PTPRR: variants seen among roughly 807,000 people sequenced by gnomAD.
PTPRR encodes protein tyrosine phosphatase receptor type R, also known as receptor-type tyrosine-protein phosphatase R.
PTPRR carries 38 observed loss-of-function variants against 77.2 expected under a neutral mutation model. The ratio of observed to expected loss-of-function variants is 0.49; its 90% CI spans 0.38 to 0.65. The LOEUF (loss-of-function observed/expected upper bound fraction) is 0.65, where lower values mean the gene tolerates loss of function less well. PTPRR is among the 30% of genes least tolerant of loss of function. The pLI is 0.00. For missense variants in PTPRR, 744 were observed against 799.2 expected, an observed-to-expected ratio of 0.93 and a Z score of 0.83; for synonymous variants, 299 against 283.1, an observed-to-expected ratio of 1.06 and a Z score of -0.57.
At chr12:70,677,389 C>T (rs899557043) in intron 10 of PTPRR, among the ~76,000 whole-genome samples, 2 of 152,020 alleles carry the variant, frequency 1.3e-5, no homozygotes, top group African/African-American at 4.8e-5. Flanking sequence ...CCTTCCTTTC[C>T]GATTTTGCCT....
At chr12:70,693,489 G>A (rs1472681967) in intron 8 of PTPRR, among the ~76,000 whole-genome samples, 1 of 151,920 alleles carries the variant, frequency 6.6e-6, no homozygotes, top group Non-Finnish European at 1.5e-5. Flanking sequence ...GTAGAGATGA[G>A]GTTTTGCCAT....
intron 10 of PTPRR, among the ~76,000 whole-genome samples, chr12:70,681,304 A>T (rs1327654475): frequency 6.6e-6 from 1 of 152,194 alleles, no homozygotes; most frequent in Non-Finnish European, 1.5e-5. Flanking sequence ...CTGCAGCTTG[A>T]ATCACAGGGA....
chr12:70,840,172 CTTTCTGGAG>C (rs1892372398), intron 2 of PTPRR, among the ~76,000 whole-genome samples: 2 of 152,118 alleles, frequency 1.3e-5, no homozygotes, highest in Non-Finnish European at 2.9e-5. Flanking sequence ...GGCCATATTC[CTTTCTGGAG>C]GTTCTGGAGG....
At chr12:70,711,994 C>T (rs10879183) in intron 6 of PTPRR, among the ~76,000 whole-genome samples, 26,036 of 152,054 alleles carry the variant, frequency 0.17, 2,738 homozygotes, top group East Asian at 0.39. Context: ...GTGTACCACC[C>T]GCCATGTAAT....
intron 8 of PTPRR, among the ~76,000 whole-genome samples, chr12:70,690,883 G>T (rs1339031523): frequency 6.6e-6 from 1 of 152,052 alleles, no homozygotes; most frequent in African/African-American, 2.4e-5. Context: ...GTCTCTTTAT[G>T]ATTTCTTTGA....
intron 2 of PTPRR, among the ~76,000 whole-genome samples, chr12:70,810,252 A>G (rs890094310): frequency 6.6e-6 from 1 of 152,210 alleles, no homozygotes; most frequent in East Asian, 1.9e-4. Flanking sequence ...CAATTGGTGC[A>G]GTTGAATGGG....
Position 70,662,569 on chromosome 12 carries a change from A to G in PTPRR, c.1534T>C (p.Tyr512His). Reference sequence around the variant, plus strand: ...ATAACCAGAACCTCAACTTTTCCATATATCCCTCTCTTTTCCGGCCAGTAT... The same window carrying G: ...ATAACCAGAACCTCAACTTTTCCATGTATCCCTCTCTTTTCCGGCCAGTAT... ...VLYWPEKRGI[Y>H]GKVEVLVISV... Residue 512 changes from tyrosine (Y) to histidine (H), a missense_variant, in exon 11 of 14, where the codon TAT becomes CAT. Around this residue, in one of 3 missense-constraint regions of PTPRR, gnomAD observed 170 missense variants for 209.8 expected, o/e 0.81. Coordinates refer to ENST00000283228, the MANE Select transcript of PTPRR (RefSeq NM_002849.4). 6.2e-7 allele frequency: 1 copy of G among 1,612,386 alleles called. No individual in the cohort carries two copies.
intron 2 of PTPRR, among the ~76,000 whole-genome samples, chr12:70,882,652 C>T (rs1292836477): frequency 6.6e-6 from 1 of 151,762 alleles, no homozygotes; most frequent in East Asian, 1.9e-4. Context: ...TCATCTGAAA[C>T]CTATTGCTGG....
chr12:70,692,994 A>G (rs922704758), intron 8 of PTPRR, among the ~76,000 whole-genome samples: 1 of 152,172 alleles, frequency 6.6e-6, no homozygotes, highest in African/African-American at 2.4e-5. Flanking sequence ...TATGAGAAAG[A>G]GTTAAAGCCC....
chr12:70,848,206 G>A (rs1892516632), intron 2 of PTPRR, among the ~76,000 whole-genome samples: 1 of 152,192 alleles, frequency 6.6e-6, no homozygotes, highest in African/African-American at 2.4e-5. Context: ...GACTTGATGT[G>A]TAGACAATCG....
chr12:70,713,838 A>C (rs1015045140), intron 6 of PTPRR, among the ~76,000 whole-genome samples: 4 of 152,006 alleles, frequency 2.6e-5, no homozygotes, highest in African/African-American at 9.7e-5. Flanking sequence ...TTGTCTTTTC[A>C]CTTTCTGATA....
chr12:70,725,248 C>T (rs77501352), intron 6 of PTPRR, among the ~76,000 whole-genome samples: 5,259 of 152,122 alleles, frequency 0.035, 320 homozygotes, highest in African/African-American at 0.12. Context: ...CAAAATTTTC[C>T]TCACTTATCT....
chr12:70,901,106 A>C (rs1353173348), intron 1 of PTPRR, among the ~76,000 whole-genome samples: 2 of 151,562 alleles, frequency 1.3e-5, no homozygotes, highest in Non-Finnish European at 3.0e-5. Flanking sequence ...GTTGGTATGC[A>C]AAAAGTTTTC....
chr12:70,882,305 T>C (rs1017050720), intron 2 of PTPRR, among the ~76,000 whole-genome samples: 1 of 152,178 alleles, frequency 6.6e-6, no homozygotes, highest in Non-Finnish European at 1.5e-5. Flanking sequence ...CAAGATTCTT[T>C]GCACCCCATC....
intron 2 of PTPRR, among the ~76,000 whole-genome samples, chr12:70,874,661 C>G (rs577201363): frequency 1.3e-4 from 20 of 152,062 alleles, no homozygotes; most frequent in African/African-American, 4.8e-4. Flanking sequence ...CGGTGGCTCA[C>G]GCCTGTAATC....
chr12:70,688,013 A>G (rs554197485), intron 8 of PTPRR, among the ~76,000 whole-genome samples: 2 of 152,290 alleles, frequency 1.3e-5, no homozygotes, highest in African/African-American at 4.8e-5. Context: ...GTCTTAACAG[A>G]TCTATCTCTA....
At chr12:70,665,165 G>T (rs529838494) in intron 10 of PTPRR, among the ~76,000 whole-genome samples, 1 of 152,054 alleles carries the variant, frequency 6.6e-6, no homozygotes, top group Admixed American at 6.6e-5. Context: ...TGCTAGCTAG[G>T]CTTATCCTTT....
chr12:70,805,554 T>A (rs1479594635), intron 2 of PTPRR, among the ~76,000 whole-genome samples: 1 of 152,090 alleles, frequency 6.6e-6, no homozygotes, highest in Non-Finnish European at 1.5e-5. Flanking sequence ...AGAGATAGAG[T>A]CTGCCTATGT....
At position 70,888,238 on chromosome 12, in the gene PTPRR, A is replaced by G. The variant is rs141917783; in HGVS notation, c.357+4441T>C. Reference sequence around the variant, plus strand: ...ATGAGATAATACTCGCATAGTTCTTAGCATACTATCAATGTTTTATGCTTA... The same window carrying G: ...ATGAGATAATACTCGCATAGTTCTTGGCATACTATCAATGTTTTATGCTTA... On this transcript the variant is annotated intron_variant, in intron 2 of 13. Transcript: ENST00000283228. Among the ~76,000 whole-genome samples, 24 of 152,310 alleles carry G rather than the reference A, an allele frequency of 1.6e-4. No individual in the cohort carries two copies. In the East Asian group the frequency reaches 4.2e-3, roughly 27 times the overall value.
Sources: allele counts gnomAD v4.1 joint callset (sites outside exome capture counted in the v4.1 genomes callset), GRCh38; gene constraint gnomAD v4.1.1; regional missense constraint gnomAD v4.1.1; transcripts MANE v1.5; gene names NCBI Gene and HGNC (gene_info 2026-07-23, HGNC 2026-07-21).